KIAA1549L: variants seen among roughly 807,000 people sequenced by gnomAD.
The protein encoded by KIAA1549L is UPF0606 protein KIAA1549L.
A neutral mutation model predicts 160.7 loss-of-function variants in KIAA1549L; 88 were observed. That is an observed-to-expected ratio of 0.55 (90% CI 0.46 to 0.65). The LOEUF is 0.65. KIAA1549L is among the 30% of genes least tolerant of loss of function. The pLI is 0.00. For missense variants in KIAA1549L, 2,258 were observed against 2,437.5 expected, an observed-to-expected ratio of 0.93 and a Z score of 1.55; for synonymous variants, 950 against 976.7, an observed-to-expected ratio of 0.97 and a Z score of 0.51.
At chr11:33,624,570 A>G (rs962472075) in intron 16 of KIAA1549L, among the ~76,000 whole-genome samples, 5 of 152,162 alleles carry the variant, frequency 3.3e-5, no homozygotes, top group African/African-American at 1.2e-4. Context: ...GTCCTGAAAG[A>G]AAAAGGAAAA....
At chr11:33,390,957 A>G (rs1443186277) in intron 1 of KIAA1549L, among the ~76,000 whole-genome samples, 1 of 152,192 alleles carries the variant, frequency 6.6e-6, no homozygotes, top group African/African-American at 2.4e-5. Context: ...GAGGAAGGGA[A>G]GCTTCCACAG....
intron 1 of KIAA1549L, among the ~76,000 whole-genome samples, chr11:33,446,096 C>CT (rs35251793): frequency 0.29 from 40,016 of 138,116 alleles, 6,113 homozygotes; most frequent in African/African-American, 0.37. Context: ...AAAGTCCTGT[C>CT]TTTTTTTTTT....
intron 1 of KIAA1549L, among the ~76,000 whole-genome samples, chr11:33,410,074 A>G (rs1238484397): frequency 2.0e-5 from 3 of 151,968 alleles, no homozygotes; most frequent in Non-Finnish European, 4.4e-5. Context: ...TCTTTTTACA[A>G]ACATGCAGAA....
rs1158286901 is a variant in KIAA1549L, at chr11:33,674,057, AT to A, written c.*5909del. On this transcript the variant is annotated 3_prime_UTR_variant, in exon 21 of 21. Coordinates refer to ENST00000658780, the MANE Select transcript of KIAA1549L (RefSeq NM_012194.3). ...AACAGAGTGTTCATATGCTGTTAGA[AT>A]TTTTTATTGTAAAATAAAATGACAA... 2 of 152,220 alleles carry A rather than the reference AT, an allele frequency of 1.3e-5. No individual in the cohort carries two copies. Among genetic ancestry groups the A allele is most frequent in the African/African-American group, 2.4e-5 (1 of 41,448 alleles). The allele number at this position is 152,220 out of a possible 1,614,324, so 9.4% of individuals were successfully genotyped here.
At position 33,408,807 on chromosome 11, in the gene KIAA1549L, G is replaced by T. The variant is rs541006521; in HGVS notation, c.238+31918G>T. ...AAAAAAAAAAAAAAAAAAATTAGCC[G>T]GACATAGTGGCGCATGCCTGTAATC... On this transcript the variant is annotated intron_variant, in intron 1 of 20. Coordinates refer to ENST00000658780, the MANE Select transcript of KIAA1549L (RefSeq NM_012194.3). Among the ~76,000 whole-genome samples the T allele has an allele frequency of 2.5e-4, 37 of 147,868 alleles. 1 individual carries two copies. Among genetic ancestry groups the T allele is most frequent in the Middle Eastern group, 3.5e-3 (1 of 284 alleles).
rs1850513302 is a variant in KIAA1549L, at chr11:33,606,741, T to C, written c.4980T>C (p.Ile1660=). ...CATCTTCTGGGTCTGTGCAGCTCATTGCCATAAAACCCACAGCCCTCCCCA... is the reference window on the plus strand; with the variant it reads ...CATCTTCTGGGTCTGTGCAGCTCATCGCCATAAAACCCACAGCCCTCCCCA... ...FDTSSGSVQL[I]AIKPTALPMV... The change falls in exon 14 of 21, where the codon ATT becomes ATC. Residue 1660 remains isoleucine (I), a synonymous_variant. Transcript: ENST00000658780. 6.2e-7 allele frequency: 1 copy of C among 1,613,702 alleles called. No homozygotes were observed. Among genetic ancestry groups the C allele is most frequent in the Non-Finnish European group, 8.5e-7 (1 of 1,179,832 alleles).
intron 1 of KIAA1549L, among the ~76,000 whole-genome samples, chr11:33,517,186 T>G (rs1272967565): frequency 1.3e-5 from 2 of 152,226 alleles, no homozygotes; most frequent in Admixed American, 1.3e-4. Context: ...ATGCTGTTTT[T>G]AAATTCACCT....
At chr11:33,385,835 A>G (rs1850163054) in intron 1 of KIAA1549L, among the ~76,000 whole-genome samples, 1 of 151,956 alleles carries the variant, frequency 6.6e-6, no homozygotes, top group Non-Finnish European at 1.5e-5. Flanking sequence ...TTTTCCACAT[A>G]CAAATTTGTA....
intron 1 of KIAA1549L, among the ~76,000 whole-genome samples, chr11:33,504,124 G>T (rs1853020529): frequency 6.6e-6 from 1 of 152,098 alleles, no homozygotes; most frequent in Admixed American, 6.5e-5. Flanking sequence ...AGCCAGGCGT[G>T]GTGGCACACA....
At chr11:33,418,799 G>A (rs1159670538) in intron 1 of KIAA1549L, among the ~76,000 whole-genome samples, 1 of 151,934 alleles carries the variant, frequency 6.6e-6, no homozygotes, top group Non-Finnish European at 1.5e-5. Flanking sequence ...CTGGGCTAAA[G>A]CATTGAAGGA....
chr11:33,625,093 A>C (rs1164624977), intron 16 of KIAA1549L, among the ~76,000 whole-genome samples: 1 of 151,776 alleles, frequency 6.6e-6, no homozygotes, highest in East Asian at 1.9e-4. Context: ...TGAACTCATC[A>C]TTTTTTATGG....
intron 1 of KIAA1549L, among the ~76,000 whole-genome samples, chr11:33,473,018 T>G (rs1209111237): frequency 1.3e-5 from 2 of 152,166 alleles, no homozygotes; most frequent in African/African-American, 4.8e-5. Flanking sequence ...CAGAGCCCAG[T>G]GCAGGGTCTC....
intron 1 of KIAA1549L, among the ~76,000 whole-genome samples, chr11:33,424,250 C>T (rs1851074482): frequency 6.6e-6 from 1 of 152,160 alleles, no homozygotes; most frequent in South Asian, 2.1e-4. Context: ...AGAATGATAA[C>T]ATCTGCTTGT....
intron 1 of KIAA1549L, among the ~76,000 whole-genome samples, chr11:33,530,986 T>G (rs1009061518): frequency 6.6e-6 from 1 of 152,228 alleles, no homozygotes; most frequent in African/African-American, 2.4e-5. Context: ...GAACATCATC[T>G]GGAAATAAAA....
rs373155595 is a variant in KIAA1549L at position 33,543,584 on chromosome 11, C to G, written c.2021C>G (p.Ser674Cys). The G allele has an allele frequency of 6.2e-7, 1 of 1,614,018 alleles. No individual in the cohort carries two copies. The highest frequency in any genetic ancestry group is 8.5e-7 in the Non-Finnish European group (1 of 1,179,886). Residue 674 changes from serine (S) to cysteine (C), a missense_variant, in exon 2 of 21, where the codon TCC (serine) becomes TGC (cysteine). Physicochemically the swap from Ser to Cys is moderately radical, Grantham distance 112 (BLOSUM62 -1). Transcript: ENST00000658780. ...SASKQVRASP[S>C]SMDVYDSLTI... is the part of the protein sequence containing the mutation. ...TCCAAACAGGTGAGAGCATCGCCCTCCTCCATGGATGTATATGATTCCTTA... is the reference window on the plus strand; with the variant it reads ...TCCAAACAGGTGAGAGCATCGCCCTGCTCCATGGATGTATATGATTCCTTA...
chr11:33,667,866 T>C lies in KIAA1549L; in HGVS notation c.6160-7T>C, dbSNP rs1852525862. The C allele has an allele frequency of 6.2e-7, 1 of 1,606,084 alleles. No individual in the cohort carries two copies. The highest frequency in any genetic ancestry group is 1.7e-5 in the Admixed American group (1 of 59,372). On this transcript the variant is annotated splice_region_variant and splice_polypyrimidine_tract_variant and intron_variant, in intron 20 of 20. Coordinates refer to ENST00000658780, the MANE Select transcript of KIAA1549L (RefSeq NM_012194.3). ...GCCCTGTCCTTCTCTCCCCACGCCCTCTGCAGGTGCCCCTCCCAGGGTACA... is the reference window on the plus strand; with the variant it reads ...GCCCTGTCCTTCTCTCCCCACGCCCCCTGCAGGTGCCCCTCCCAGGGTACA...
chr11:33,660,077 A>G (rs1459786962), intron 19 of KIAA1549L, among the ~76,000 whole-genome samples: 1 of 152,248 alleles, frequency 6.6e-6, no homozygotes, highest in African/African-American at 2.4e-5. Flanking sequence ...GATGAGAAAA[A>G]GGGAAAATTC....
chr11:33,469,431 CAT>C (rs1316100852), intron 1 of KIAA1549L, among the ~76,000 whole-genome samples: 4 of 152,218 alleles, frequency 2.6e-5, no homozygotes, highest in South Asian at 2.1e-4. Flanking sequence ...AGGTGATGAA[CAT>C]GTGAATTTTT....
At chr11:33,648,302 G>A (rs1212193721) in intron 17 of KIAA1549L, among the ~76,000 whole-genome samples, 2 of 151,972 alleles carry the variant, frequency 1.3e-5, no homozygotes, top group African/African-American at 2.4e-5. Context: ...GGCCGAATCA[G>A]AACATTATTA....
Sources: allele counts gnomAD v4.1 joint callset (sites outside exome capture counted in the v4.1 genomes callset), GRCh38; gene constraint gnomAD v4.1.1; transcripts MANE v1.5; gene names NCBI Gene and HGNC (gene_info 2026-07-23, HGNC 2026-07-21).